LARGE1: variants seen among roughly 807,000 people sequenced by gnomAD.
LARGE1 encodes the protein xylosyl- and glucuronyltransferase LARGE1.
LARGE1 carries 43 observed loss-of-function variants against 87.6 expected under a neutral mutation model. The ratio of observed to expected loss-of-function variants is 0.49; its 90% confidence interval spans 0.38 to 0.63. The LOEUF (loss-of-function observed/expected upper bound fraction) is 0.63, where lower values mean the gene tolerates loss of function less well. Among genes scored for constraint, LARGE1 ranks in the 30% least tolerant of loss-of-function variants. The probability of loss-of-function intolerance (pLI) is 0.00; values close to 1 mark genes in which losing one functional copy is unlikely to be tolerated. For missense variants in LARGE1, 802 were observed against 1,000.2 expected, an observed-to-expected ratio of 0.80 and a Z score of 2.67; for synonymous variants, 434 against 394.6, an observed-to-expected ratio of 1.10 and a Z score of -1.18.
intron 2 of LARGE1, among the ~76,000 whole-genome samples, chr22:33,674,338 G>A (rs1338048218): frequency 6.6e-6 from 1 of 152,058 alleles, no homozygotes; most frequent in Non-Finnish European, 1.5e-5. Context: ...CACATAAATA[G>A]AATCATATAG....
intron 2 of LARGE1, among the ~76,000 whole-genome samples, chr22:33,759,433 T>C (rs866655369): frequency 1.3e-5 from 2 of 152,196 alleles, no homozygotes; most frequent in African/African-American, 2.4e-5. Flanking sequence ...TCTGGGACCA[T>C]GGGCAGATCA....
intron 5 of LARGE1, among the ~76,000 whole-genome samples, chr22:33,580,474 G>A (rs1019752229): frequency 5.3e-5 from 8 of 152,034 alleles, no homozygotes; most frequent in Non-Finnish European, 8.8e-5. Flanking sequence ...TTACAGAATC[G>A]AGCTGCTGGT....
At chr22:33,835,696 A>G (rs979700348) in intron 1 of LARGE1, among the ~76,000 whole-genome samples, 1 of 152,222 alleles carries the variant, frequency 6.6e-6, no homozygotes, top group African/African-American at 2.4e-5. Flanking sequence ...TGGCATGGAT[A>G]AATGTCCAAA....
intron 1 of LARGE1, among the ~76,000 whole-genome samples, chr22:33,825,557 G>A (rs981508099): frequency 6.6e-6 from 1 of 152,008 alleles, no homozygotes; most frequent in African/African-American, 2.4e-5. Context: ...CCAAAAGGAG[G>A]GAAAGCCCCT....
At chr22:33,862,440 C>T (rs1004299406) in intron 1 of LARGE1, among the ~76,000 whole-genome samples, 2 of 152,070 alleles carry the variant, frequency 1.3e-5, no homozygotes, top group African/African-American at 2.4e-5. Flanking sequence ...TGACGGCAGT[C>T]GCTGAGCAAA....
chr22:33,717,162 C>A (rs2082935229), intron 2 of LARGE1, among the ~76,000 whole-genome samples: 1 of 152,192 alleles, frequency 6.6e-6, no homozygotes, highest in African/African-American at 2.4e-5. Flanking sequence ...CCATCTCCTT[C>A]ATTTATTCAC....
chr22:33,447,808 T>G (rs1174548444), intron 6 of LARGE1, among the ~76,000 whole-genome samples: 3 of 150,854 alleles, frequency 2.0e-5, no homozygotes, highest in Non-Finnish European at 1.5e-5. Context: ...GGAGAGTGGG[T>G]GGAAGGAGGA....
intron 13 of LARGE1, among the ~76,000 whole-genome samples, chr22:33,278,783 G>A (rs539460065): frequency 6.4e-4 from 98 of 152,004 alleles, no homozygotes; most frequent in Non-Finnish European, 9.9e-4. Flanking sequence ...GCAGTGGCAC[G>A]ATCTTGGCTC....
chr22:33,201,315 A>G (rs1211714522), intron 11 of LARGE1, among the ~76,000 whole-genome samples: 1 of 149,380 alleles, frequency 6.7e-6, no homozygotes, highest in East Asian at 2.0e-4. Flanking sequence ...TCTCAAAAAG[A>G]AAGAAAGAGA....
intron 10 of LARGE1, among the ~76,000 whole-genome samples, chr22:33,333,644 A>G (rs78890780): frequency 0.029 from 4,352 of 152,290 alleles, 90 homozygotes; most frequent in African/African-American, 0.063. Flanking sequence ...CATTCACTCA[A>G]TAAATATTTA....
intron 9 of LARGE1, among the ~76,000 whole-genome samples, chr22:33,371,393 A>T (rs570582882): frequency 1.3e-5 from 2 of 152,336 alleles, no homozygotes; most frequent in African/African-American, 4.8e-5. Flanking sequence ...TACATGTTTT[A>T]AAGTCATGAA....
intron 12 of LARGE1, among the ~76,000 whole-genome samples, chr22:33,302,201 TG>T (rs1276363637): frequency 6.6e-6 from 1 of 152,170 alleles, no homozygotes; most frequent in Non-Finnish European, 1.5e-5. Flanking sequence ...TCTGGCCACA[TG>T]GGGGCACCCT....
At chr22:33,837,964 A>G (rs2063157511) in intron 1 of LARGE1, among the ~76,000 whole-genome samples, 1 of 152,246 alleles carries the variant, frequency 6.6e-6, no homozygotes, top group African/African-American at 2.4e-5. Flanking sequence ...TAAGCTCTGC[A>G]TGCCATACTT....
At chr22:33,352,115 T>C (rs199522954) in intron 9 of LARGE1, among the ~76,000 whole-genome samples, 1 of 152,158 alleles carries the variant, frequency 6.6e-6, no homozygotes, top group East Asian at 1.9e-4. Flanking sequence ...TCCCTAGTAA[T>C]GTTATATGTG....
intron 5 of LARGE1, among the ~76,000 whole-genome samples, chr22:33,578,435 C>G (rs1448961664): frequency 6.6e-6 from 1 of 152,070 alleles, no homozygotes; most frequent in Non-Finnish European, 1.5e-5. Flanking sequence ...GTACTAGATA[C>G]TAAGGAAAGA....
chr22:33,067,268 A>G, the LARGE1 span, among the ~76,000 whole-genome samples: 3 of 152,080 alleles, frequency 2.0e-5, no homozygotes, highest in African/African-American at 7.2e-5. Context: ...TATATCACAT[A>G]GTGGCTGAAA....
chr22:33,524,702 C>G (rs544743666), intron 6 of LARGE1, among the ~76,000 whole-genome samples: 1 of 151,254 alleles, frequency 6.6e-6, no homozygotes, highest in Admixed American at 6.6e-5. Context: ...GAGAAAACCA[C>G]GTCACTCTTC....
At chr22:33,879,853 T>C (rs985166592) in intron 1 of LARGE1, among the ~76,000 whole-genome samples, 4 of 152,228 alleles carry the variant, frequency 2.6e-5, no homozygotes, top group African/African-American at 9.6e-5. Flanking sequence ...CCTGGCACGG[T>C]ATCAGGTACA....
At chr22:33,177,314 T>A (rs5998783) in intron 11 of LARGE1, among the ~76,000 whole-genome samples, 3,909 of 152,092 alleles carry the variant, frequency 0.026, 178 homozygotes, top group African/African-American at 0.09. Context: ...TAATAAAAAA[T>A]TATAATTTAT....
Sources: allele counts gnomAD v4.1 joint callset (sites outside exome capture counted in the v4.1 genomes callset), GRCh38; gene constraint gnomAD v4.1.1; transcripts MANE v1.5; gene names NCBI Gene and HGNC (gene_info 2026-07-23, HGNC 2026-07-21).